The following CDC42BPB variants were observed in gnomAD, a reference collection of about 807,000 sequenced individuals.
The protein encoded by CDC42BPB is CDC42 binding protein kinase beta.
A neutral mutation model predicts 214.9 loss-of-function variants in CDC42BPB; 37 were observed. The ratio of observed to expected loss-of-function variants is 0.17; its 90% CI spans 0.13 to 0.23. The LOEUF (loss-of-function observed/expected upper bound fraction) is 0.23. Ranked by LOEUF, CDC42BPB falls within the 10% of genes least tolerant of loss-of-function variation. The pLI, the probability that CDC42BPB is intolerant of heterozygous loss-of-function variation, is 1.00. For synonymous variants in CDC42BPB, 931 were observed against 884.0 expected (o/e 1.05, Z -0.94); for missense variants, 1,694 against 2,227.0 (o/e 0.76, Z 4.82).
rs750044272 is a variant in CDC42BPB, at chr14:102,976,061, A to G, written c.1221-12T>C. The G allele has an allele frequency of 6.9e-6, 11 of 1,604,926 alleles. No individual in the cohort carries two copies. Among genetic ancestry groups the G allele is most frequent in the Non-Finnish European group, 9.4e-6 (11 of 1,172,854 alleles). On this transcript the variant is annotated splice_polypyrimidine_tract_variant and intron_variant, in intron 9 of 36. Coordinates refer to ENST00000361246, the MANE Select transcript of CDC42BPB (RefSeq NM_006035.4). ...GATCAGAAAAACAGCTGGGAAACCA[A>G]GCAACAGGTTTTTTTGATCTACTGA...
chr14:102,955,495 G>A lies in CDC42BPB; in HGVS notation c.2902-807C>T, dbSNP rs35467017. Among the ~76,000 whole-genome samples the A allele has an allele frequency of 4.9e-3, 749 of 152,282 alleles. 8 individuals are homozygous for A. Among genetic ancestry groups the A allele is most frequent in the African/African-American group, 0.017 (723 of 41,540 alleles). ...CATTTCAAGGATCAAGAAGAAATTC[G>A]AACATCAACAGAGGTCGGTGGGCCC... On this transcript the variant is annotated intron_variant, in intron 21 of 36. Transcript: ENST00000361246.
chr14:103,045,581 C>G (rs1430070177), intron 1 of CDC42BPB, among the ~76,000 whole-genome samples: 5 of 152,180 alleles, frequency 3.3e-5, no homozygotes, highest in African/African-American at 1.2e-4. Context: ...TCATAACCCC[C>G]TTCTCCTCTC....
Position 103,057,122 on chromosome 14 carries a change from G to A in CDC42BPB, c.52C>T (p.Pro18Ser), listed in dbSNP as rs752178375. 2.0e-6 allele frequency: 3 copies of A among 1,518,276 alleles called. No individual in the cohort carries two copies. The highest frequency in any genetic ancestry group is 1.4e-5 in the African/African-American group (1 of 70,030). The allele number at this position is 1,518,276 out of a possible 1,614,324, so 94.1% of individuals were successfully genotyped here. A position where few individuals can be genotyped will look rare whatever the true frequency, so the allele number is the denominator to read the frequency against. The part of the protein sequence containing the change: ...KKLEQLLLDG[P>S]WRNESALSVE... The stretch of plus-strand genomic sequence containing the variant: ...CTCAGGGCGCTCTCGTTGCGCCAGG[G>A]CCCGTCCAGGAGCAGCTGCTCCAGC... Residue 18 changes from proline (P) to serine (S), a missense_variant, in exon 1 of 37, where the codon CCC (proline) becomes TCC (serine). By Grantham distance (74) the Pro-to-Ser change is moderately conservative. Transcript: ENST00000361246.
At chr14:102,965,963 A>T (rs1171445098) in intron 18 of CDC42BPB, among the ~76,000 whole-genome samples, 1 of 152,246 alleles carries the variant, frequency 6.6e-6, no homozygotes, top group African/African-American at 2.4e-5. Flanking sequence ...GCGGGAGGAA[A>T]AAAATAAAAT....
chr14:102,951,555 G>A (rs35391724), intron 24 of CDC42BPB, among the ~76,000 whole-genome samples: 189 of 152,204 alleles, frequency 1.2e-3, no homozygotes, highest in Non-Finnish European at 1.8e-3. Flanking sequence ...TTGGGAGGCC[G>A]AGGCAGGTGG....
At chr14:103,042,017 A>C in intron 1 of CDC42BPB, 1 of 250,498 alleles carries the variant, frequency 4.0e-6, no homozygotes, top group Non-Finnish European at 8.4e-6. Flanking sequence ...CACATGGTCC[A>C]TGCTGACGCC....
chr14:102,995,236 G>A (rs900666013), intron 5 of CDC42BPB, among the ~76,000 whole-genome samples: 1 of 151,332 alleles, frequency 6.6e-6, no homozygotes, highest in East Asian at 1.9e-4. Context: ...GTGCAATGGC[G>A]CGATCTCGGC....
intron 4 of CDC42BPB, among the ~76,000 whole-genome samples, chr14:103,003,360 C>G (rs1339540973): frequency 1.3e-5 from 2 of 152,210 alleles, no homozygotes; most frequent in Non-Finnish European, 2.9e-5. Context: ...GCCGTGGAGG[C>G]GAACACGCTT....
At chr14:102,935,114 G>T (rs192911810) in intron 36 of CDC42BPB, among the ~76,000 whole-genome samples, 1 of 152,176 alleles carries the variant, frequency 6.6e-6, no homozygotes, top group East Asian at 1.9e-4. Flanking sequence ...GTTCTAGGCA[G>T]AGCGATCAGG....
Position 102,978,115 on chromosome 14 carries a change from T to C in CDC42BPB, c.1220+11A>G, listed in dbSNP as rs753662518. ...AAGTGTCTCCCTGGGGAATGATAAA[T>C]CCAGACATACCTTTCCGTTGTGAAT... On this transcript the variant is annotated intron_variant, in intron 9 of 36. Transcript: ENST00000361246. 1.9e-6 allele frequency: 3 copies of C among 1,598,662 alleles called. No individual in the cohort carries two copies. The Admixed American group carries it at 5.0e-5, about 27-fold the overall frequency.
Position 103,001,748 on chromosome 14 carries a change from G to C in CDC42BPB, c.448-2035C>G, listed in dbSNP as rs1053366756. ...CGGGGCCAGGGGAGATGCGGTGAAC[G>C]AACGGCCAGGCCCTCGGGCCCCTAA... is the stretch of plus-strand genomic sequence containing the variant. On this transcript the variant is annotated intron_variant, in intron 4 of 36. Coordinates refer to ENST00000361246, the MANE Select transcript of CDC42BPB (RefSeq NM_006035.4). The surrounding 1 kb of genome is among the most constrained non-coding windows in gnomAD (Gnocchi z 5.8). Among the ~76,000 whole-genome samples, 3 of 152,166 alleles carry C rather than the reference G, an allele frequency of 2.0e-5. No individual in the cohort carries two copies. Among genetic ancestry groups the C allele is most frequent in the African/African-American group, 4.8e-5 (2 of 41,430 alleles).
chr14:102,972,059 C>T lies in CDC42BPB; in HGVS notation c.1744G>A (p.Glu582Lys), dbSNP rs1489366169. ...TGGGCACGGAGCTCTGCCATGCGCTCGTTCAGCTCCGAGAACTCCTGCAGG... is the reference window on the plus strand; with the variant it reads ...TGGGCACGGAGCTCTGCCATGCGCTTGTTCAGCTCCGAGAACTCCTGCAGG... ...LALQEFSELN[E>K]RMAELRAQKQ... Residue 582 changes from glutamate (E) to lysine (K), a missense_variant, in exon 13 of 37, where the codon GAG becomes AAG. Physicochemically the swap from Glu to Lys is moderately conservative, Grantham distance 56. Around this residue, in one of 7 missense-constraint regions of CDC42BPB, gnomAD observed 462 missense variants for 513.5 expected, o/e 0.90. Coordinates refer to ENST00000361246, the MANE Select transcript of CDC42BPB (RefSeq NM_006035.4). 2.5e-6 allele frequency: 4 copies of T among 1,614,260 alleles called. No individual in the cohort carries two copies. Among genetic ancestry groups the T allele is most frequent in the Non-Finnish European group, 3.4e-6 (4 of 1,180,058 alleles).
At chr14:103,054,112 C>A (rs770990060) in intron 1 of CDC42BPB, among the ~76,000 whole-genome samples, 10 of 152,178 alleles carry the variant, frequency 6.6e-5, no homozygotes, top group Non-Finnish European at 1.2e-4. Context: ...CAATCCTCCA[C>A]CTTGGCCTCC....
intron 19 of CDC42BPB, among the ~76,000 whole-genome samples, chr14:102,963,901 C>T (rs1043272102): frequency 2.0e-5 from 3 of 152,218 alleles, no homozygotes; most frequent in Admixed American, 6.5e-5. Flanking sequence ...TCCAGGTCCT[C>T]GCCTGCCTCA....
chr14:103,054,959 CGCCCTCA>C (rs1566931193), intron 1 of CDC42BPB, among the ~76,000 whole-genome samples: 2 of 152,262 alleles, frequency 1.3e-5, no homozygotes, highest in Admixed American at 1.3e-4. Context: ...CCAGGGCCCC[CGCCCTCA>C]GACTAATCTT....
At chr14:102,982,634 T>G (rs28731078) in intron 7 of CDC42BPB, among the ~76,000 whole-genome samples, 17,669 of 152,130 alleles carry the variant, frequency 0.12, 1,907 homozygotes, top group African/African-American at 0.29. Flanking sequence ...AGCCAGGTGT[T>G]GTGGCAGGCA....
intron 21 of CDC42BPB, among the ~76,000 whole-genome samples, chr14:102,957,853 G>T (rs891582785): frequency 2.0e-5 from 3 of 152,176 alleles, no homozygotes; most frequent in Non-Finnish European, 4.4e-5. Flanking sequence ...TCAACCCAAC[G>T]ATCAGACTTG....
At chr14:102,937,823 G>C (rs1258370726) in intron 36 of CDC42BPB, among the ~76,000 whole-genome samples, 1 of 152,276 alleles carries the variant, frequency 6.6e-6, no homozygotes, top group Non-Finnish European at 1.5e-5. Context: ...CCAGAGGAAA[G>C]AGGCAGGTTG....
rs755433525 is a variant in CDC42BPB, at chr14:102,966,264, G to A, written c.2577+18C>T. 6.5e-7 allele frequency: 1 copy of A among 1,534,438 alleles called. No homozygotes were observed. Among genetic ancestry groups the A allele is most frequent in the African/African-American group, 1.4e-5 (1 of 73,270 alleles). ...GAATTATTCAGTAATAGAAATGCAG[G>A]CATTACACAAAACCTACCAGTGTTC... On this transcript the variant is annotated intron_variant, in intron 18 of 36. Transcript: ENST00000361246.
Sources: allele counts gnomAD v4.1 joint callset (sites outside exome capture counted in the v4.1 genomes callset), GRCh38; gene constraint gnomAD v4.1.1; regional missense constraint gnomAD v4.1.1; non-coding constraint Gnocchi (gnomAD v3.1); transcripts MANE v1.5; gene names NCBI Gene and HGNC (gene_info 2026-07-23, HGNC 2026-07-21).